Variants in COL21A1 observed in about 807,000 individuals in gnomAD.
COL21A1 encodes collagen type XXI alpha 1 chain.
Under a neutral mutation model 137.9 loss-of-function variants are expected in COL21A1, and 149 were observed. The ratio of observed to expected loss-of-function variants is 1.08; its 90% CI spans 0.95 to 1.24. The LOEUF (loss-of-function observed/expected upper bound fraction) is 1.24, where lower values mean the gene tolerates loss of function less well. COL21A1 is among the 50% of genes most tolerant of loss of function. The probability of loss-of-function intolerance (pLI) is 0.00; values close to 1 mark genes in which losing one functional copy is unlikely to be tolerated. For missense variants in COL21A1, 1,167 were observed against 1,158.4 expected (o/e 1.01, Z -0.11); for synonymous variants, 456 against 391.5 (o/e 1.16, Z -1.95).
At chr6:56,231,893 G>A (rs559321757) in intron 1 of COL21A1, among the ~76,000 whole-genome samples, 2 of 151,738 alleles carry the variant, frequency 1.3e-5, no homozygotes, top group African/African-American at 4.8e-5. Flanking sequence ...CCATGAAAAT[G>A]TTCTTCCTTT....
intron 1 of COL21A1, among the ~76,000 whole-genome samples, chr6:56,382,017 G>T (rs554294059): frequency 6.6e-6 from 1 of 152,310 alleles, no homozygotes; most frequent in East Asian, 1.9e-4. Context: ...TATTCCTGAT[G>T]ACATGGATAC....
At chr6:56,301,876 G>A (rs985345275) in intron 1 of COL21A1, among the ~76,000 whole-genome samples, 4 of 149,026 alleles carry the variant, frequency 2.7e-5, no homozygotes, top group Admixed American at 1.3e-4. Flanking sequence ...TCCCACAACA[G>A]GCCCCGGTGT....
At chr6:56,278,828 T>A (rs1239222169) in intron 1 of COL21A1, among the ~76,000 whole-genome samples, 1 of 152,190 alleles carries the variant, frequency 6.6e-6, no homozygotes, top group Non-Finnish European at 1.5e-5. Context: ...TATCTTCATC[T>A]CTCTAAACAC....
At chr6:56,090,364 A>G (rs970743493) in intron 17 of COL21A1, among the ~76,000 whole-genome samples, 1 of 152,244 alleles carries the variant, frequency 6.6e-6, no homozygotes, top group Admixed American at 6.5e-5. Flanking sequence ...TGCTATGTCA[A>G]TGATATTTAT....
At chr6:56,172,602 A>G (rs1399197946) in intron 3 of COL21A1, among the ~76,000 whole-genome samples, 1 of 152,204 alleles carries the variant, frequency 6.6e-6, no homozygotes, top group Non-Finnish European at 1.5e-5. Flanking sequence ...AATTTTTCAG[A>G]TAAAAGTAAA....
chr6:56,344,206 A>C (rs1448998518), intron 1 of COL21A1, among the ~76,000 whole-genome samples: 2 of 152,218 alleles, frequency 1.3e-5, no homozygotes, highest in African/African-American at 4.8e-5. Flanking sequence ...TATTTCACCA[A>C]GGACATTTAC....
chr6:56,325,335 A>ATTATATATAT (rs1764993733), intron 1 of COL21A1, among the ~76,000 whole-genome samples: 9 of 710 alleles, frequency 0.013, 4 homozygotes, highest in Non-Finnish European at 0.14. Flanking sequence ...TATATATTAT[A>ATTATATATAT]TATTATATAT....
chr6:56,317,423 C>T (rs1032294368), intron 1 of COL21A1, among the ~76,000 whole-genome samples: 1 of 152,160 alleles, frequency 6.6e-6, no homozygotes, highest in African/African-American at 2.4e-5. Context: ...TTGCAGTCAT[C>T]TTCAGACCCC....
intron 1 of COL21A1, among the ~76,000 whole-genome samples, chr6:56,276,320 G>T (rs531285814): frequency 6.6e-6 from 1 of 152,222 alleles, no homozygotes; most frequent in East Asian, 1.9e-4. Flanking sequence ...TCAGCATCAT[G>T]CAATAGAGCT....
intron 1 of COL21A1, among the ~76,000 whole-genome samples, chr6:56,218,410 C>T (rs1030978437): frequency 5.3e-5 from 8 of 151,952 alleles, no homozygotes; most frequent in Non-Finnish European, 1.0e-4. Flanking sequence ...TGCTCTTTAA[C>T]TGTATAGTAA....
chr6:56,385,995 G>A (rs2152352860), intron 1 of COL21A1, among the ~76,000 whole-genome samples: 1 of 152,024 alleles, frequency 6.6e-6, no homozygotes, highest in East Asian at 1.9e-4. Context: ...CACCTCCCGG[G>A]TTCAAGCGAT....
intron 1 of COL21A1, among the ~76,000 whole-genome samples, chr6:56,207,872 G>A (rs954445548): frequency 4.6e-5 from 7 of 152,170 alleles, no homozygotes; most frequent in Admixed American, 2.6e-4. Context: ...ATGCAAGGCT[G>A]ATTCAACATA....
At chr6:56,380,776 TC>T (rs1406443992) in intron 1 of COL21A1, among the ~76,000 whole-genome samples, 2 of 152,194 alleles carry the variant, frequency 1.3e-5, no homozygotes, top group African/African-American at 4.8e-5. Flanking sequence ...TGTCTAGTGT[TC>T]CTAAGGGTGA....
chr6:56,370,708 G>A (rs1562075586), intron 1 of COL21A1, among the ~76,000 whole-genome samples: 1 of 152,164 alleles, frequency 6.6e-6, no homozygotes, highest in East Asian at 1.9e-4. Context: ...CTGAACTCTG[G>A]TCTTCTTTTT....
At chr6:56,070,830 T>G (rs548567986) in intron 20 of COL21A1, 32 bp from the exon 21 acceptor site, 42 of 1,524,910 alleles carry the variant, frequency 2.8e-5, no homozygotes, top group Non-Finnish European at 3.7e-5. Context: ...TGGAGTTTTT[T>G]AAAAACAATT....
At chr6:56,194,875 T>G (rs560205885) in intron 1 of COL21A1, among the ~76,000 whole-genome samples, 1 of 152,320 alleles carries the variant, frequency 6.6e-6, no homozygotes, top group South Asian at 2.1e-4. Flanking sequence ...AATGCAGCAG[T>G]ACTGAGAGGC....
At chr6:56,096,409 C>A (rs562468709) in intron 17 of COL21A1, among the ~76,000 whole-genome samples, 31 of 152,254 alleles carry the variant, frequency 2.0e-4, no homozygotes, top group Admixed American at 4.6e-4. Flanking sequence ...AGAATATAAT[C>A]TTTAAACATA....
At chr6:56,317,052 C>A (rs1764755467) in intron 1 of COL21A1, among the ~76,000 whole-genome samples, 1 of 152,054 alleles carries the variant, frequency 6.6e-6, no homozygotes, top group Non-Finnish European at 1.5e-5. Flanking sequence ...ATATTAGCAC[C>A]AGTTTATGGC....
intron 10 of COL21A1, among the ~76,000 whole-genome samples, chr6:56,143,997 C>A (rs1774639639): frequency 6.6e-6 from 1 of 152,118 alleles, no homozygotes; most frequent in Non-Finnish European, 1.5e-5. Context: ...CTCAGGATTA[C>A]TCAAAAGTAA....
Sources: allele counts gnomAD v4.1 joint callset (sites outside exome capture counted in the v4.1 genomes callset), GRCh38; gene constraint gnomAD v4.1.1; transcripts MANE v1.5; gene names NCBI Gene and HGNC (gene_info 2026-07-23, HGNC 2026-07-21).